Variants in KLC4 observed in about 807,000 individuals in gnomAD.
KLC4 encodes the protein kinesin-like protein 8.
KLC4 carries 49 observed loss-of-function variants against 77.2 expected under a neutral mutation model. The observed-to-expected ratio is 0.63, with a 90% CI of 0.50 to 0.80. The LOEUF is 0.80. Ranked by LOEUF, KLC4 falls within the 30% of genes least tolerant of loss-of-function variation. The pLI, the probability that KLC4 is intolerant of heterozygous loss-of-function variation, is 0.00. For synonymous variants in KLC4, 274 were observed against 314.5 expected (o/e 0.87, Z 1.36); for missense variants, 669 against 793.5 (o/e 0.84, Z 1.89).
In KLC4 at chr6:43,063,163, C is replaced by G; in HGVS notation, c.489+16C>G. On this transcript the variant is annotated intron_variant, in intron 3 of 15. Coordinates refer to ENST00000347162, the MANE Select transcript of KLC4 (RefSeq NM_201521.3). The stretch of plus-strand genomic sequence containing the variant: ...ACATACCTCGGTGAGTGTGCACAGG[C>G]GAGACTGGCTGAGGGGTGGGCAGCC... 6.3e-7 allele frequency: 1 copy of G among 1,589,054 alleles called. No individual in the cohort carries two copies. Among genetic ancestry groups the G allele is most frequent in the African/African-American group, 1.3e-5 (1 of 74,510 alleles).
At chr6:43,061,109 C>T (rs955751293) in intron 1 of KLC4, 2 of 592,916 alleles carry the variant, frequency 3.4e-6, no homozygotes, top group Non-Finnish European at 6.0e-6. Flanking sequence ...GTCAGTTCAT[C>T]TCCCTCTCGC....
rs557642305 is a variant in KLC4, at chr6:43,072,711, A to T, written c.1489-113A>T. On this transcript the variant is annotated intron_variant, in intron 12 of 15. Transcript: ENST00000347162. ...ATTATTCCAGTAGGTATAAACTGAG[A>T]CATCACAAGGAAAAATGTTTTCCTT... 101 of 941,552 alleles carry T rather than the reference A, an allele frequency of 1.1e-4. No homozygotes were observed. The South Asian group carries it at 1.5e-3, about 14-fold the overall frequency. 58.3% of individuals were successfully genotyped at this position (941,552 alleles called of 1,614,324 possible).
At chr6:43,068,698 A>G (rs1765580195) in intron 6 of KLC4, among the ~76,000 whole-genome samples, 2 of 151,126 alleles carry the variant, frequency 1.3e-5, no homozygotes, top group African/African-American at 4.9e-5. Flanking sequence ...TGTAATCCCA[A>G]CTATTTGGAG....
chr6:43,063,203 A>AC, intron 3 of KLC4, 56 bp downstream of exon 3: 1 of 1,351,098 alleles, frequency 7.4e-7, no homozygotes, highest in South Asian at 1.3e-5. Context: ...GTTACCACAG[A>AC]CATGGGGGCA....
intron 13 of KLC4, 43 bp downstream of exon 13, chr6:43,073,007 G>A (rs1561921635): frequency 1.3e-6 from 2 of 1,545,312 alleles, no homozygotes; most frequent in East Asian, 2.3e-5. Flanking sequence ...GCCCACTCCT[G>A]CTGGTGGTGG....
rs1360101106 is a variant in KLC4, at chr6:43,070,452, A to C, written c.978A>C (p.Glu326Asp). 3.1e-6 allele frequency: 5 copies of C among 1,609,626 alleles called. No individual in the cohort carries two copies. In the Admixed American group the frequency reaches 8.3e-5, roughly 27 times the overall value. The change falls in exon 7 of 16, where the codon GAA becomes GAC. Residue 326 changes from glutamate to aspartate, a missense_variant. Physicochemically the swap from Glu to Asp is conservative, Grantham distance 45. Coordinates refer to ENST00000347162, the MANE Select transcript of KLC4 (RefSeq NM_201521.3). Reference sequence around the variant, plus strand: ...GCCAGCGGGCACTGGAGATTCGAGAAAAGGTACCCATGCCCTCTCTCCCTT... The same window carrying C: ...GCCAGCGGGCACTGGAGATTCGAGACAAGGTACCCATGCCCTCTCTCCCTT... ...PLCQRALEIR[E>D]KVLGTNHPDV... is the part of the protein sequence containing the mutation.
chr6:43,071,793 T>C, intron 10 of KLC4, 59 bp from the exon 11 acceptor site: 1 of 1,567,998 alleles, frequency 6.4e-7, no homozygotes, highest in Non-Finnish European at 8.7e-7. Flanking sequence ...TCTCAGCATC[T>C]CTGTATTCTT....
chr6:43,074,550 G>A, intron 15 of KLC4, 72 bp from the exon 16 acceptor site: 2 of 1,246,872 alleles, frequency 1.6e-6, no homozygotes, highest in Non-Finnish European at 2.4e-6. Context: ...ACCATGGGAT[G>A]GATGGACTCT....
At chr6:43,063,225 A>T (rs1037495698) in intron 3 of KLC4, 78 bp downstream of exon 3, 7 of 1,106,994 alleles carry the variant, frequency 6.3e-6, no homozygotes, top group Non-Finnish European at 9.3e-6. Context: ...TTGCCCCATC[A>T]TCCTCAGGGT....
rs1014095649 is a variant in KLC4 at position 43,073,687 on chromosome 6, G to T, written c.1746-215G>T. ...AAAAAAAAAAGATATGGTAAAGCAGGCAAGTAAAGTAAGCCCTTGCCTCCA... is the reference window on the plus strand; with the variant it reads ...AAAAAAAAAAGATATGGTAAAGCAGTCAAGTAAAGTAAGCCCTTGCCTCCA... On this transcript the variant is annotated intron_variant, in intron 14 of 15. Coordinates refer to ENST00000347162, the MANE Select transcript of KLC4 (RefSeq NM_201521.3). The T allele has an allele frequency of 1.0e-5, 6 of 581,532 alleles. No individual in the cohort carries two copies. The African/African-American group carries it at 1.1e-4, about 11-fold the overall frequency. 36.0% of individuals were successfully genotyped at this position (581,532 alleles called of 1,614,324 possible).
rs202069802 is a variant in KLC4 at position 43,071,603 on chromosome 6, G to A, written c.1292G>A (p.Arg431Gln). ...HKPIWMHAEEREEMSKSRHHE... is the reference protein window; with the variant it reads ...HKPIWMHAEEQEEMSKSRHHE... The stretch of plus-strand genomic sequence containing the variant: ...CCCATCTGGATGCATGCAGAGGAGC[G>A]GGAGGAAATGAGCAAAGTGAGTGGG... Residue 431 changes from arginine (R) to glutamine (Q), a missense_variant, in exon 10 of 16, where the codon CGG (arginine) becomes CAG (glutamine). By Grantham distance (43) the Arg-to-Gln change is conservative (BLOSUM62 1). Transcript: ENST00000347162. The A allele has an allele frequency of 3.8e-5, 62 of 1,613,522 alleles. No homozygotes were observed. The highest frequency in any genetic ancestry group is 2.5e-4 in the Admixed American group (15 of 59,958).
At position 43,066,363 on chromosome 6, in the gene KLC4, G is replaced by A; in HGVS notation, c.629G>A (p.Arg210Lys). Reference protein sequence around the residue: ...AQQGGYEIPARLRTLHNLVIQ... With the variant: ...AQQGGYEIPAKLRTLHNLVIQ... ...CAGGGTGGATATGAGATCCCAGCAA[G>A]GTTGCGGACGTTGCACAACCTGGTG... Residue 210 changes from arginine to lysine, a missense_variant, in exon 5 of 16, where the codon AGG (arginine) becomes AAG (lysine). Arg to Lys is a conservative substitution (Grantham distance 26). Coordinates refer to ENST00000347162, the MANE Select transcript of KLC4 (RefSeq NM_201521.3). 3.1e-6 allele frequency: 5 copies of A among 1,614,198 alleles called. No homozygotes were observed. In the South Asian group the frequency reaches 4.4e-5, roughly 14 times the overall value.
chr6:43,071,695 C>G, intron 10 of KLC4, 76 bp downstream of exon 10: 4 of 1,505,256 alleles, frequency 2.7e-6, no homozygotes, highest in Non-Finnish European at 3.7e-6. Context: ...TGCATTAGCC[C>G]AACTCTCACT....
intron 12 of KLC4, among the ~76,000 whole-genome samples, chr6:43,072,461 C>A (rs1013218224): frequency 2.0e-5 from 3 of 152,112 alleles, no homozygotes; most frequent in African/African-American, 4.8e-5. Context: ...ACTCTAGTTT[C>A]AAGATTCACT....
In KLC4 at chr6:43,070,447, C is replaced by A; in HGVS notation, c.973C>A (p.Arg325=). The change falls in exon 7 of 16, where the codon CGA becomes AGA. Residue 325 remains arginine, a synonymous_variant. Coordinates refer to ENST00000347162, the MANE Select transcript of KLC4 (RefSeq NM_201521.3). ...TCTGTGCCAGCGGGCACTGGAGATT[C>A]GAGAAAAGGTACCCATGCCCTCTCT... ...EPLCQRALEI[R]EKVLGTNHPD... is the part of the protein sequence containing the mutation. 6.2e-7 allele frequency: 1 copy of A among 1,611,508 alleles called. No individual in the cohort carries two copies. Among genetic ancestry groups the A allele is most frequent in the Non-Finnish European group, 8.5e-7 (1 of 1,177,656 alleles).
intron 5 of KLC4, 127 bp from the exon 6 acceptor site, chr6:43,066,869 C>T (rs917267225): frequency 4.2e-5 from 58 of 1,392,102 alleles, no homozygotes; most frequent in East Asian, 1.9e-4. Flanking sequence ...TTACTGTCCA[C>T]GCCAGGCTTC....
At position 43,071,631 on chromosome 6, in the gene KLC4, G is replaced by C; in HGVS notation, c.1308+12G>C. On this transcript the variant is annotated intron_variant, in intron 10 of 15. Coordinates refer to ENST00000347162, the MANE Select transcript of KLC4 (RefSeq NM_201521.3). Reference sequence around the variant, plus strand: ...AGGAAATGAGCAAAGTGAGTGGGGGGAAGGGGGGCCAGCCTGGGGAGCTCA... The same window carrying C: ...AGGAAATGAGCAAAGTGAGTGGGGGCAAGGGGGGCCAGCCTGGGGAGCTCA... The C allele has an allele frequency of 2.5e-6, 4 of 1,613,222 alleles. No homozygotes were observed. The highest frequency in any genetic ancestry group is 3.4e-6 in the Non-Finnish European group (4 of 1,179,630).
intron 2 of KLC4, among the ~76,000 whole-genome samples, chr6:43,062,237 C>T (rs1012895560): frequency 6.6e-6 from 1 of 152,146 alleles, no homozygotes; most frequent in Non-Finnish European, 1.5e-5. Flanking sequence ...TAGGCCACCC[C>T]GAGGACTTTG....
At position 43,071,346 on chromosome 6, in the gene KLC4, C is replaced by G. The variant is rs747052097; in HGVS notation, c.1227C>G (p.Ala409=). The G allele has an allele frequency of 6.2e-7, 1 of 1,613,664 alleles. No individual in the cohort carries two copies. The highest frequency in any genetic ancestry group is 2.2e-5 in the East Asian group (1 of 44,892). ...ETLYKEILTR[A]HVQEFGSVDD... is the part of the protein sequence containing the mutation. ...TATACAAAGAGATCCTGACCCGTGC[C>G]CATGTACAGGAGTTTGGGTCTGTGG... Residue 409 remains alanine, a synonymous_variant, in exon 9 of 16, where the codon GCC becomes GCG. Transcript: ENST00000347162.
Sources: gnomAD v4.1 joint callset for allele counts (sites outside exome capture counted in the v4.1 genomes callset) on GRCh38, gnomAD v4.1.1 for gene constraint, MANE v1.5 for transcripts, NCBI Gene and HGNC (gene_info 2026-07-23, HGNC 2026-07-21) for gene names.